Variants in PRSS12 observed in about 807,000 individuals in gnomAD.
The protein encoded by PRSS12 is neurotrypsin.
A neutral mutation model predicts 104.4 loss-of-function variants in PRSS12; 85 were observed. The ratio of observed to expected loss-of-function variants is 0.81; its 90% CI spans 0.68 to 0.98. PRSS12 has a LOEUF of 0.98. Ranked by LOEUF, PRSS12 falls within the 50% of genes least tolerant of loss-of-function variation. The pLI is 0.00. For synonymous variants in PRSS12, 454 were observed against 425.2 expected, an observed-to-expected ratio of 1.07 and a Z score of -0.83; for missense variants, 1,141 against 1,139.2, an observed-to-expected ratio of 1.00 and a Z score of -0.02.
At chr4:118,342,485 G>A (rs1221441640) in intron 1 of PRSS12, among the ~76,000 whole-genome samples, 20 of 152,138 alleles carry the variant, frequency 1.3e-4, no homozygotes, top group Admixed American at 1.1e-3. Flanking sequence ...CAAGTGCCAC[G>A]TGCACAGAAA....
At chr4:118,348,843 G>C (rs1258779162) in intron 1 of PRSS12, among the ~76,000 whole-genome samples, 2 of 151,982 alleles carry the variant, frequency 1.3e-5, no homozygotes, top group Non-Finnish European at 2.9e-5. Context: ...TAGAGACAGG[G>C]GTTTCTCCAC....
Position 118,281,721 on chromosome 4 carries a change from A to G in PRSS12, c.*215T>C, listed in dbSNP as rs541997247. ...TAAGTCACTCCAGTGAAATTAGGGT[A>G]GAAAATGTTCATTTAAGGATTATCA... is the stretch of plus-strand genomic sequence containing the variant. On this transcript the variant is annotated 3_prime_UTR_variant, in exon 13 of 13. Coordinates refer to ENST00000296498, the MANE Select transcript of PRSS12 (RefSeq NM_003619.4). The G allele has an allele frequency of 7.2e-4, 426 of 590,694 alleles. 2 individuals are homozygous for G. The highest frequency in any genetic ancestry group is 4.6e-4 in the Middle Eastern group (1 of 2,196). 36.6% of individuals were successfully genotyped at this position (590,694 alleles called of 1,614,324 possible).
rs1742859231 is a variant in PRSS12 at position 118,281,694 on chromosome 4, A to G, written c.*242T>C. 1.8e-6 allele frequency: 1 copy of G among 558,988 alleles called. No homozygotes were observed. The highest frequency in any genetic ancestry group is 3.1e-5 in the East Asian group (1 of 32,120). The allele number at this position is 558,988 out of a possible 1,614,324, so 34.6% of individuals were successfully genotyped here. A position where few individuals can be genotyped will look rare whatever the true frequency, so the allele number is the denominator to read the frequency against. Reference sequence around the variant, plus strand: ...TAGGTAGGGGATAGATGAGGCTTAGAATAAGTCACTCCAGTGAAATTAGGG... The same window carrying G: ...TAGGTAGGGGATAGATGAGGCTTAGGATAAGTCACTCCAGTGAAATTAGGG... On this transcript the variant is annotated 3_prime_UTR_variant, in exon 13 of 13. Coordinates refer to ENST00000296498, the MANE Select transcript of PRSS12 (RefSeq NM_003619.4).
intron 4 of PRSS12, among the ~76,000 whole-genome samples, chr4:118,318,885 T>A (rs995635880): frequency 9.9e-5 from 15 of 152,188 alleles, no homozygotes; most frequent in Non-Finnish European, 2.2e-4. Context: ...TGACTAAGTT[T>A]GTTTGTTTGT....
At position 118,280,112 on chromosome 4, in the gene PRSS12, A is replaced by C. The variant is rs1742802041; in HGVS notation, c.*1824T>G. 1 of 152,274 alleles carries C rather than the reference A, an allele frequency of 6.6e-6. No homozygotes were observed. The highest frequency in any genetic ancestry group is 2.4e-5 in the African/African-American group (1 of 41,474). The allele number at this position is 152,274 out of a possible 1,614,324, so 9.4% of individuals were successfully genotyped here. ...TTGTATCTTTCAAAAGTCACACTTAAGACATAGTAAAAGCATGTTGTATGA... is the reference window on the plus strand; with the variant it reads ...TTGTATCTTTCAAAAGTCACACTTACGACATAGTAAAAGCATGTTGTATGA... On this transcript the variant is annotated 3_prime_UTR_variant, in exon 13 of 13. Coordinates refer to ENST00000296498, the MANE Select transcript of PRSS12 (RefSeq NM_003619.4).
Position 118,352,266 on chromosome 4 carries a change from C to T in PRSS12, c.455G>A (p.Gly152Glu), listed in dbSNP as rs1195034368. 1 of 1,611,306 alleles carries T rather than the reference C, an allele frequency of 6.2e-7. No individual in the cohort carries two copies. The highest frequency in any genetic ancestry group is 8.5e-7 in the Non-Finnish European group (1 of 1,179,568). ...CCAGTCCACCTTGCCACGGGCGTCT[C>T]CGTAGAAACACCAGGGTCTGCCCGC... ...DGAGRPWCFY[G>E]DARGKVDWGY... Residue 152 changes from glycine (G) to glutamate (E), a missense_variant, in exon 1 of 13, where the codon GGA becomes GAA. Gly to Glu is a moderately conservative substitution (Grantham distance 98, BLOSUM62 -2). Transcript: ENST00000296498.
chr4:118,320,248 A>G (rs1193720144), intron 4 of PRSS12, among the ~76,000 whole-genome samples: 1 of 152,160 alleles, frequency 6.6e-6, no homozygotes, highest in Non-Finnish European at 1.5e-5. Context: ...TTCTTATAAC[A>G]TTATAACTTG....
At chr4:118,283,948 A>AT (rs1287247173) in intron 11 of PRSS12, among the ~76,000 whole-genome samples, 1 of 147,168 alleles carries the variant, frequency 6.8e-6, no homozygotes, top group African/African-American at 2.7e-5. Flanking sequence ...CAAAAAATTG[A>AT]TTAAGTTAGT....
intron 11 of PRSS12, among the ~76,000 whole-genome samples, chr4:118,286,227 T>C (rs1342887202): frequency 6.6e-6 from 1 of 152,150 alleles, no homozygotes; most frequent in Non-Finnish European, 1.5e-5. Context: ...CCCCAATCTA[T>C]GTGAAATTCA....
intron 6 of PRSS12, 43 bp from the exon 7 acceptor site, chr4:118,313,440 T>C: frequency 1.3e-6 from 2 of 1,599,880 alleles, no homozygotes; most frequent in Non-Finnish European, 1.7e-6. Flanking sequence ...CTTCTGTCTC[T>C]TGGTTCAGGG....
At chr4:118,335,302 T>C (rs1724031664) in intron 3 of PRSS12, among the ~76,000 whole-genome samples, 171 bp downstream of exon 3, 1 of 152,154 alleles carries the variant, frequency 6.6e-6, no homozygotes, top group African/African-American at 2.4e-5. Flanking sequence ...GGAATTCAAA[T>C]TAACAGTACT....
At position 118,329,956 on chromosome 4, in the gene PRSS12, C is replaced by G. The variant is rs116322223; in HGVS notation, c.971+1760G>C. On this transcript the variant is annotated intron_variant, in intron 4 of 12. Coordinates refer to ENST00000296498, the MANE Select transcript of PRSS12 (RefSeq NM_003619.4). Reference sequence around the variant, plus strand: ...GTGAAATTGATACCCAGTCAAAACACTTTTAAAAAATCTTGTCTCATAAAC... The same window carrying G: ...GTGAAATTGATACCCAGTCAAAACAGTTTTAAAAAATCTTGTCTCATAAAC... Among the ~76,000 whole-genome samples the G allele has an allele frequency of 5.3e-3, 809 of 152,200 alleles. 6 individuals carry two copies. The highest frequency in any genetic ancestry group is 0.018 in the African/African-American group (749 of 41,520).
chr4:118,345,790 A>AT (rs1724340544), intron 1 of PRSS12, among the ~76,000 whole-genome samples: 1 of 152,178 alleles, frequency 6.6e-6, no homozygotes, highest in Non-Finnish European at 1.5e-5. Flanking sequence ...ACTTACTGTT[A>AT]TTTTTTAATT....
At chr4:118,326,330 C>A (rs757125127) in intron 4 of PRSS12, among the ~76,000 whole-genome samples, 2 of 152,206 alleles carry the variant, frequency 1.3e-5, no homozygotes, top group Non-Finnish European at 2.9e-5. Context: ...TTCCTGCATG[C>A]CTGGCACTGG....
At chr4:118,301,384 C>T (rs902789667) in intron 8 of PRSS12, among the ~76,000 whole-genome samples, 17 of 151,952 alleles carry the variant, frequency 1.1e-4, no homozygotes, top group Admixed American at 9.2e-4. Context: ...TTTTCAAGTT[C>T]CAAAATGATT....
intron 4 of PRSS12, among the ~76,000 whole-genome samples, chr4:118,319,323 C>T (rs1723545975): frequency 1.3e-5 from 2 of 152,108 alleles, no homozygotes; most frequent in Admixed American, 6.5e-5. Flanking sequence ...CTGCTTCAGC[C>T]TCCAAAAGTG....
chr4:118,295,977 A>G, intron 9 of PRSS12, 121 bp from the exon 10 acceptor site: 1 of 882,012 alleles, frequency 1.1e-6, no homozygotes, highest in Non-Finnish European at 1.8e-6. Context: ...TCTGCAAATT[A>G]AAATTTTTCT....
At chr4:118,302,530 G>A (rs535387922) in intron 8 of PRSS12, among the ~76,000 whole-genome samples, 2 of 152,156 alleles carry the variant, frequency 1.3e-5, no homozygotes, top group Non-Finnish European at 2.9e-5. Flanking sequence ...TGGTTCAAGC[G>A]ATTCTCCTGC....
chr4:118,318,450 G>C lies in PRSS12; in HGVS notation c.1078C>G (p.Pro360Ala). 2 of 1,614,074 alleles carry C rather than the reference G, an allele frequency of 1.2e-6. No homozygotes were observed. The highest frequency in any genetic ancestry group is 3.3e-5 in the Admixed American group (2 of 59,998). The change falls in exon 5 of 13, where the codon CCA (proline) becomes GCA (alanine). Residue 360 changes from proline to alanine, a missense_variant. Physicochemically the swap from Pro to Ala is conservative, Grantham distance 27. Transcript: ENST00000296498. ...TGNELSIEQC[P>A]KSSWGEHNCG... Reference sequence around the variant, plus strand: ...TTATGCTCTCCCCAGGAGCTCTTTGGACACTGCTCAATTGAAAGCTCATTC... The same window carrying C: ...TTATGCTCTCCCCAGGAGCTCTTTGCACACTGCTCAATTGAAAGCTCATTC...
Sources: allele counts gnomAD v4.1 joint callset (sites outside exome capture counted in the v4.1 genomes callset), GRCh38; gene constraint gnomAD v4.1.1; transcripts MANE v1.5; gene names NCBI Gene and HGNC (gene_info 2026-07-23, HGNC 2026-07-21).